The following HERPUD2 variants were observed in gnomAD, a reference collection of about 807,000 sequenced individuals.
HERPUD2 encodes HERPUD family member 2.
Under a neutral mutation model 49.9 loss-of-function variants are expected in HERPUD2, and 13 were observed. That is an observed-to-expected ratio of 0.26 (90% confidence interval 0.17 to 0.41). HERPUD2 has a LOEUF of 0.41. Among genes scored for constraint, HERPUD2 ranks in the 10% least tolerant of loss-of-function variants. The pLI is 1.00. For synonymous variants in HERPUD2, 172 were observed against 171.4 expected (o/e 1.00, Z -0.03); for missense variants, 449 against 492.2 (o/e 0.91, Z 0.83).
chr7:35,635,020 A>G (rs955556675), intron 7 of HERPUD2, 115 bp downstream of exon 7: 1 of 714,874 alleles, frequency 1.4e-6, no homozygotes, highest in Non-Finnish European at 2.3e-6. Flanking sequence ...CCAGATATCT[A>G]AAGCCCAGCA....
intron 2 of HERPUD2, among the ~76,000 whole-genome samples, chr7:35,686,808 TGGGGGGGGG>T: frequency 2.3e-4 from 1 of 4,300 alleles, no homozygotes; most frequent in Non-Finnish European, 3.8e-4. Flanking sequence ...TTTGGGAGGC[TGGGGGGGGG>T]GGGGTGGGGG....
At position 35,635,155 on chromosome 7, in the gene HERPUD2, TC is replaced by T. The variant is rs1336443617; in HGVS notation, c.920del (p.Gly307GlufsTer75). 1 of 1,613,136 alleles carries T rather than the reference TC, an allele frequency of 6.2e-7. No homozygotes were observed. Among genetic ancestry groups the T allele is most frequent in the South Asian group, 1.1e-5 (1 of 91,070 alleles). On this transcript the variant is annotated frameshift_variant, in exon 7 of 9. Transcript: ENST00000311350. LOFTEE classifies it high-confidence loss of function. ...CTCACAAATAAACCAGTAGCATGGC[TC>T]CCATTACCATGATAAACCGACTAAA... ...SSFSRFIMVM[G>X]AMLLVYLHQA...
intron 2 of HERPUD2, among the ~76,000 whole-genome samples, chr7:35,684,362 C>G (rs1299402271): frequency 1.3e-5 from 2 of 151,774 alleles, no homozygotes; most frequent in Non-Finnish European, 2.9e-5. Context: ...TGCACTCCAG[C>G]CTGGGTGATG....
intron 5 of HERPUD2, among the ~76,000 whole-genome samples, chr7:35,639,507 C>A (rs1784931520): frequency 6.6e-6 from 1 of 152,176 alleles, no homozygotes; most frequent in Non-Finnish European, 1.5e-5. Context: ...CAACACCGAA[C>A]ATGATGCCAA....
At chr7:35,673,867 A>C (rs2115980637) in intron 2 of HERPUD2, among the ~76,000 whole-genome samples, 1 of 152,276 alleles carries the variant, frequency 6.6e-6, no homozygotes, top group South Asian at 2.1e-4. Context: ...ACCTTTGTTA[A>C]GTTTTTCAAA....
chr7:35,678,459 C>A (rs1475057086), intron 2 of HERPUD2, among the ~76,000 whole-genome samples: 1 of 152,054 alleles, frequency 6.6e-6, no homozygotes, highest in Admixed American at 6.6e-5. Context: ...CACCACCACA[C>A]CCTGCTAATT....
chr7:35,688,871 C>CA (rs928453197), intron 2 of HERPUD2, among the ~76,000 whole-genome samples: 63 of 142,862 alleles, frequency 4.4e-4, no homozygotes, highest in Middle Eastern at 3.5e-3. Context: ...CTGACCTAAG[C>CA]AAAAAAAAAA....
intron 6 of HERPUD2, among the ~76,000 whole-genome samples, chr7:35,637,160 A>AAGAAAGAAAGAT (rs1554311472): frequency 0.021 from 2,959 of 144,054 alleles, 37 homozygotes; most frequent in Middle Eastern, 0.046. Context: ...GAAAGAAAGA[A>AAGAAAGAAAGAT]AGATAGATAG....
intron 3 of HERPUD2, among the ~76,000 whole-genome samples, chr7:35,672,557 G>A (rs755011212): frequency 5.3e-5 from 8 of 151,858 alleles, no homozygotes; most frequent in Non-Finnish European, 1.0e-4. Flanking sequence ...AAAGATCTAA[G>A]GCAAAACAAA....
chr7:35,646,985 C>A (rs11768203), intron 5 of HERPUD2, among the ~76,000 whole-genome samples: 33,041 of 113,878 alleles, frequency 0.29, 3,969 homozygotes, highest in South Asian at 0.48. Flanking sequence ...GAAAAAAAAA[C>A]CAAGAAGGAG....
At chr7:35,653,731 A>G (rs1785215172) in intron 5 of HERPUD2, among the ~76,000 whole-genome samples, 1 of 152,272 alleles carries the variant, frequency 6.6e-6, no homozygotes, top group Non-Finnish European at 1.5e-5. Context: ...ACAACGGAAT[A>G]ACACTAGAAA....
At chr7:35,694,677 G>A (rs571499024) in intron 1 of HERPUD2, 50 bp from the exon 2 acceptor site, 3 of 267,808 alleles carry the variant, frequency 1.1e-5, no homozygotes, top group South Asian at 5.1e-5. Context: ...CCGGCCCGGG[G>A]TCACTGCCCC....
rs1784911886 is a variant in HERPUD2, at chr7:35,638,557, A to T, written c.495-85T>A. ...ATTTTCATTTCTGAACCCCAAGTCAACCATTGACAGAATATATTTAAATCT... is the reference window on the plus strand; with the variant it reads ...ATTTTCATTTCTGAACCCCAAGTCATCCATTGACAGAATATATTTAAATCT... On this transcript the variant is annotated intron_variant, in intron 5 of 8. Coordinates refer to ENST00000311350, the MANE Select transcript of HERPUD2 (RefSeq NM_022373.5). 2.4e-6 allele frequency: 3 copies of T among 1,274,510 alleles called. No individual in the cohort carries two copies. The Admixed American group carries it at 6.9e-5, about 29-fold the overall frequency. 79.0% of individuals were successfully genotyped at this position (1,274,510 alleles called of 1,614,324 possible).
rs748503980 is a variant in HERPUD2, at chr7:35,667,523, A to G, written c.405T>C (p.Gly135=). The G allele has an allele frequency of 1.0e-4, 161 of 1,613,734 alleles. No individual in the cohort carries two copies. Among genetic ancestry groups the G allele is most frequent in the Non-Finnish European group, 1.3e-4 (159 of 1,179,786 alleles). ...SGQETLSLAV[G]SSSEGLRQRT... is the part of the protein sequence containing the mutation. ...GCTGCCTCAATCCTTCTGAGGAAGAACCCACAGCTAAAGACAAGGTTTCTT... is the reference window on the plus strand; with the variant it reads ...GCTGCCTCAATCCTTCTGAGGAAGAGCCCACAGCTAAAGACAAGGTTTCTT... The change falls in exon 5 of 9, where the codon GGT becomes GGC. Residue 135 remains glycine (G), a synonymous_variant. Transcript: ENST00000311350.
At chr7:35,675,836 G>C (rs1017337266) in intron 2 of HERPUD2, among the ~76,000 whole-genome samples, 6 of 152,122 alleles carry the variant, frequency 3.9e-5, no homozygotes, top group Admixed American at 6.5e-5. Flanking sequence ...TCACAGGTGC[G>C]ATCATGGTAC....
intron 3 of HERPUD2, among the ~76,000 whole-genome samples, chr7:35,671,481 T>C (rs546607044): frequency 1.3e-5 from 2 of 152,208 alleles, no homozygotes; most frequent in South Asian, 4.1e-4. Flanking sequence ...AGCTTCTTAA[T>C]ACAGAATATT....
At chr7:35,694,667 C>T (rs1295319383) in intron 1 of HERPUD2, 40 bp from the exon 2 acceptor site, 16 of 284,636 alleles carry the variant, frequency 5.6e-5, no homozygotes, top group Non-Finnish European at 1.1e-4. Context: ...GGCACAACGG[C>T]CGGCCCGGGG....
chr7:35,653,317 TAAC>T (rs1785204653), intron 5 of HERPUD2, among the ~76,000 whole-genome samples: 1 of 152,036 alleles, frequency 6.6e-6, no homozygotes, highest in African/African-American at 2.4e-5. Flanking sequence ...TTAAAAACAG[TAAC>T]AACAAAGAAG....
intron 2 of HERPUD2, among the ~76,000 whole-genome samples, chr7:35,691,504 T>C (rs1448723443): frequency 6.6e-6 from 1 of 152,196 alleles, no homozygotes; most frequent in East Asian, 1.9e-4. Flanking sequence ...ATTAGAGCAA[T>C]GTTGATGAGA....
Sources: gnomAD v4.1 joint callset for allele counts (sites outside exome capture counted in the v4.1 genomes callset) on GRCh38, gnomAD v4.1.1 for gene constraint, MANE v1.5 for transcripts, NCBI Gene and HGNC (gene_info 2026-07-23, HGNC 2026-07-21) for gene names.